AGXT2: variants seen among roughly 807,000 people sequenced by gnomAD.
AGXT2 encodes alanine--glyoxylate aminotransferase 2, also known as alanine--glyoxylate aminotransferase 2, mitochondrial.
In AGXT2, 61 loss-of-function variants were observed where a neutral mutation model predicts 62.5. The ratio of observed to expected loss-of-function variants is 0.98; its 90% CI spans 0.79 to 1.21. The LOEUF (loss-of-function observed/expected upper bound fraction) is 1.21. Ranked by LOEUF, AGXT2 falls within the 50% of genes most tolerant of loss-of-function variation. The pLI, the probability that AGXT2 is intolerant of heterozygous loss-of-function variation, is 0.00. For synonymous variants in AGXT2, 243 were observed against 218.7 expected (o/e 1.11, Z -0.98); for missense variants, 666 against 641.5 (o/e 1.04, Z -0.41).
intron 5 of AGXT2, among the ~76,000 whole-genome samples, chr5:35,034,440 A>G (rs574031062): frequency 6.6e-5 from 10 of 152,278 alleles, no homozygotes; most frequent in African/African-American, 2.2e-4. Flanking sequence ...GTGCTGTCAT[A>G]AGGATTAAAT....
At chr5:35,020,836 C>T (rs935989279) in intron 9 of AGXT2, among the ~76,000 whole-genome samples, 5 of 152,016 alleles carry the variant, frequency 3.3e-5, no homozygotes, top group Non-Finnish European at 7.4e-5. Context: ...ATTGTCTCAG[C>T]CCAAAATCTC....
rs1766848150 is a variant in AGXT2, at chr5:35,016,270, C to T, written c.964-2151G>A. Among the ~76,000 whole-genome samples the T allele has an allele frequency of 2.6e-5, 4 of 152,166 alleles. No homozygotes were observed. The South Asian group carries it at 8.3e-4, about 32-fold the overall frequency. On this transcript the variant is annotated intron_variant, in intron 9 of 13. Transcript: ENST00000231420. ...GCCTAGCATGACTTAATCCATTTTG[C>T]TCCTAACCAGCTTGCTCTCATCCTC...
At chr5:35,024,472 T>C (rs1250588875) in intron 9 of AGXT2, among the ~76,000 whole-genome samples, 1 of 152,188 alleles carries the variant, frequency 6.6e-6, no homozygotes, top group Admixed American at 6.5e-5. Flanking sequence ...TAATCCCTTT[T>C]GAAAACACAC....
rs754635756 is a variant in AGXT2 at position 34,998,799 on chromosome 5, T to C, written c.1465A>G (p.Ile489Val). The C allele has an allele frequency of 1.7e-5, 28 of 1,613,808 alleles. No homozygotes were observed. The African/African-American group carries it at 3.2e-4, about 18-fold the overall frequency. Residue 489 changes from isoleucine to valine, a missense_variant, in exon 14 of 14, where the codon ATC becomes GTC. Coordinates refer to ENST00000231420, the MANE Select transcript of AGXT2 (RefSeq NM_031900.4). ...GCAAAATCAACTTCTGGTTTAGTGA[T>C]GCACATTGAGGGCGCAATGCGAAAT... ...QTFRIAPSMC[I>V]TKPEVDFAVE...
chr5:35,020,853 CT>C (rs1381719540), intron 9 of AGXT2, among the ~76,000 whole-genome samples: 1 of 152,034 alleles, frequency 6.6e-6, no homozygotes, highest in African/African-American at 2.4e-5. Flanking sequence ...TCTCCTTAAG[CT>C]GATAAGCAAC....
At chr5:35,043,882 G>A (rs867381799) in intron 1 of AGXT2, among the ~76,000 whole-genome samples, 1 of 152,060 alleles carries the variant, frequency 6.6e-6, no homozygotes, top group African/African-American at 2.4e-5. Context: ...AGTAGAGATC[G>A]GGTTTCTCCA....
At chr5:35,001,546 A>G (rs1472777426) in intron 13 of AGXT2, among the ~76,000 whole-genome samples, 1 of 152,186 alleles carries the variant, frequency 6.6e-6, no homozygotes, top group Non-Finnish European at 1.5e-5. Context: ...CTGTAAAATA[A>G]GGATAGTAAT....
rs1554032385 is a variant in AGXT2, at chr5:34,998,385, A to G, written c.*334T>C. 1.5e-5 allele frequency: 5 copies of G among 323,134 alleles called. No homozygotes were observed. Among genetic ancestry groups the G allele is most frequent in the South Asian group, 3.8e-5 (1 of 26,256 alleles). The allele number at this position is 323,134 out of a possible 1,614,324, so 20.0% of individuals were successfully genotyped here. ...TCCCTGAAGGCACCTCCACCAAAAG[A>G]TTTTTCTTCAAGATTCACTGGACAA... On this transcript the variant is annotated 3_prime_UTR_variant, in exon 14 of 14. Transcript: ENST00000231420.
At position 35,013,971 on chromosome 5, in the gene AGXT2, T is replaced by C. The variant is rs77088572; in HGVS notation, c.1096+16A>G. The C allele has an allele frequency of 5.4e-4, 869 of 1,613,840 alleles. 8 individuals carry two copies. In the African/African-American group the frequency reaches 0.01, roughly 19 times the overall value. On this transcript the variant is annotated intron_variant, in intron 10 of 13. Coordinates refer to ENST00000231420, the MANE Select transcript of AGXT2 (RefSeq NM_031900.4). Reference sequence around the variant, plus strand: ...ACGAGGCCCAGAAGCAAACACAAACTGCCTGTGGGTCCTACCTGGAGTGGT... The same window carrying C: ...ACGAGGCCCAGAAGCAAACACAAACCGCCTGTGGGTCCTACCTGGAGTGGT...
intron 9 of AGXT2, among the ~76,000 whole-genome samples, chr5:35,025,235 G>C (rs1767285834): frequency 6.6e-6 from 1 of 151,746 alleles, no homozygotes. Flanking sequence ...AATTAGTCAG[G>C]CTTGGTGGCA....
At chr5:35,011,306 A>G (rs1766627946) in intron 11 of AGXT2, among the ~76,000 whole-genome samples, 2 of 152,144 alleles carry the variant, frequency 1.3e-5, no homozygotes, top group Non-Finnish European at 2.9e-5. Context: ...CTAAAAATAC[A>G]AAAGTTAGTT....
intron 6 of AGXT2, 152 bp downstream of exon 6, chr5:35,033,308 C>G: frequency 1.4e-6 from 1 of 692,860 alleles, no homozygotes; most frequent in Non-Finnish European, 2.6e-6. Flanking sequence ...ATGGTGTCCT[C>G]AAGTGGTCTC....
chr5:35,022,778 A>G (rs1767162933), intron 9 of AGXT2, among the ~76,000 whole-genome samples: 1 of 151,572 alleles, frequency 6.6e-6, no homozygotes, highest in African/African-American at 2.4e-5. Context: ...AGAAAAGAAA[A>G]AGCACAAGGA....
At chr5:35,026,567 G>C in intron 7 of AGXT2, 57 bp from the exon 8 acceptor site, 4 of 1,404,636 alleles carry the variant, frequency 2.8e-6, no homozygotes, top group Non-Finnish European at 4.0e-6. Flanking sequence ...ATGTGAGCCT[G>C]ATATTTAGAA....
At chr5:35,015,406 C>T (rs886971082) in intron 9 of AGXT2, among the ~76,000 whole-genome samples, 3 of 152,206 alleles carry the variant, frequency 2.0e-5, no homozygotes, top group African/African-American at 4.8e-5. Flanking sequence ...CTGCCAGAGC[C>T]TTTCTGGTGA....
chr5:35,032,649 G>C, intron 7 of AGXT2, 83 bp downstream of exon 7: 2 of 1,235,650 alleles, frequency 1.6e-6, no homozygotes, highest in Non-Finnish European at 2.3e-6. Context: ...AAATTCAATT[G>C]TTCCCTCAGG....
At chr5:35,014,946 A>G (rs1389751870) in intron 9 of AGXT2, among the ~76,000 whole-genome samples, 1 of 152,160 alleles carries the variant, frequency 6.6e-6, no homozygotes, top group Non-Finnish European at 1.5e-5. Flanking sequence ...GAACTGTATC[A>G]TGAGGAGGAC....
rs1285137256 is a variant in AGXT2 at position 35,047,904 on chromosome 5, A to G, written c.-12T>C. 1.9e-6 allele frequency: 3 copies of G among 1,613,974 alleles called. No individual in the cohort carries two copies. The highest frequency in any genetic ancestry group is 2.2e-5 in the South Asian group (2 of 91,070). On this transcript the variant is annotated 5_prime_UTR_variant, in exon 1 of 14. Coordinates refer to ENST00000231420, the MANE Select transcript of AGXT2 (RefSeq NM_031900.4). ...CAGATTAGAGTCATTTCTCCCACTC[A>G]GAAAGCCAACCCCCATGGAAGCAGA...
Position 35,032,722 on chromosome 5 carries a change from C to G in AGXT2, c.769+10G>C. On this transcript the variant is annotated intron_variant, in intron 7 of 13. Transcript: ENST00000231420. ...AACACTCCACTGGCACCCCCCTTGCCCAGTCGGACCTGGTGCACAGCTGCA... is the reference window on the plus strand; with the variant it reads ...AACACTCCACTGGCACCCCCCTTGCGCAGTCGGACCTGGTGCACAGCTGCA... The G allele has an allele frequency of 1.3e-6, 2 of 1,599,372 alleles. No homozygotes were observed. Among genetic ancestry groups the G allele is most frequent in the East Asian group, 2.2e-5 (1 of 44,648 alleles).
Sources: allele counts gnomAD v4.1 joint callset (sites outside exome capture counted in the v4.1 genomes callset), GRCh38; gene constraint gnomAD v4.1.1; transcripts MANE v1.5; gene names NCBI Gene and HGNC (gene_info 2026-07-23, HGNC 2026-07-21).